Variants in KDM2A observed in about 807,000 individuals in gnomAD.
KDM2A encodes lysine-specific demethylase 2A.
KDM2A carries 3 observed loss-of-function variants against 137.3 expected under a neutral mutation model. That is an observed-to-expected ratio of 0.02 (90% CI 0.01 to 0.06). KDM2A has a LOEUF of 0.06. Among genes scored for constraint, KDM2A ranks in the 10% least tolerant of loss-of-function variants. KDM2A has a pLI of 1.00. For synonymous variants in KDM2A, 512 were observed against 541.5 expected (o/e 0.95, Z 0.76); for missense variants, 738 against 1,510.6 (o/e 0.49, Z 8.48).
At chr11:67,127,589 A>G (rs1379865938) in intron 2 of KDM2A, among the ~76,000 whole-genome samples, 2 of 152,186 alleles carry the variant, frequency 1.3e-5, no homozygotes, top group Admixed American at 1.3e-4. Context: ...TATCTGTTAC[A>G]AGGAACTGCG....
chr11:67,145,622 T>C (rs1484880639), intron 2 of KDM2A, among the ~76,000 whole-genome samples: 2 of 152,052 alleles, frequency 1.3e-5, no homozygotes, highest in Non-Finnish European at 2.9e-5. Flanking sequence ...TACTAAGCAG[T>C]AGAACAAAGA....
At chr11:67,182,026 G>A in intron 5 of KDM2A, 134 bp downstream of exon 5, 2 of 742,856 alleles carry the variant, frequency 2.7e-6, no homozygotes, top group South Asian at 1.8e-5. Flanking sequence ...TTTTCATTAG[G>A]AACTGAGAAT....
chr11:67,231,097 C>T (rs1033677234), intron 11 of KDM2A, among the ~76,000 whole-genome samples: 3 of 152,000 alleles, frequency 2.0e-5, no homozygotes, highest in African/African-American at 7.2e-5. Flanking sequence ...TCTGGGACCA[C>T]AGTCATGCAT....
At chr11:67,196,583 A>G (rs1565398918) in intron 5 of KDM2A, 5 of 405,062 alleles carry the variant, frequency 1.2e-5, no homozygotes, top group South Asian at 1.8e-5. Flanking sequence ...TACACATTAC[A>G]TGAATCCTAA....
chr11:67,250,514 C>T lies in KDM2A; in HGVS notation c.2484C>T (p.Asn828=). The T allele has an allele frequency of 6.2e-7, 1 of 1,614,054 alleles. No homozygotes were observed. The highest frequency in any genetic ancestry group is 8.5e-7 in the Non-Finnish European group (1 of 1,179,906). ...KLQAITASSA[N]LRHSPRVLVQ... ...AGGCCATCACGGCCTCCTCTGCCAA[C>T]CTTCGCCATTCCCCCCGTGTGCTAG... The change falls in exon 17 of 21, where the codon AAC becomes AAT. Residue 828 remains asparagine, a synonymous_variant. Coordinates refer to ENST00000529006, the MANE Select transcript of KDM2A (RefSeq NM_012308.3). The surrounding 1 kb of genome is among the most constrained non-coding windows in gnomAD (Gnocchi z 7.1).
At chr11:67,211,140 C>G (rs1857965619) in intron 6 of KDM2A, among the ~76,000 whole-genome samples, 1 of 152,016 alleles carries the variant, frequency 6.6e-6, no homozygotes, top group Non-Finnish European at 1.5e-5. Context: ...CTTATTCCCC[C>G]CATAGTATAT....
At chr11:67,141,400 C>T (rs1433610448) in intron 2 of KDM2A, among the ~76,000 whole-genome samples, 3 of 151,982 alleles carry the variant, frequency 2.0e-5, no homozygotes, top group East Asian at 3.9e-4. Flanking sequence ...GGCGCGGTGG[C>T]TCACGCCTGT....
chr11:67,256,513 C>T lies in KDM2A; in HGVS notation c.*1458C>T, dbSNP rs1859621280. ...TCTGTAAGGATACTGATAGCACAAC[C>T]TCTTCCCCCCACCCCGCCCCGCCTT... On this transcript the variant is annotated 3_prime_UTR_variant, in exon 21 of 21. Coordinates refer to ENST00000529006, the MANE Select transcript of KDM2A (RefSeq NM_012308.3). 1 of 152,692 alleles carries T rather than the reference C, an allele frequency of 6.5e-6. No homozygotes were observed. Among genetic ancestry groups the T allele is most frequent in the African/African-American group, 2.4e-5 (1 of 41,412 alleles). 9.5% of individuals were successfully genotyped at this position (152,692 alleles called of 1,614,324 possible). A position where few individuals can be genotyped will look rare whatever the true frequency, so the allele number is the denominator to read the frequency against.
chr11:67,182,019 T>G lies in KDM2A; in HGVS notation c.307+127T>G. On this transcript the variant is annotated intron_variant, in intron 5 of 20. Transcript: ENST00000529006. ...ATATATTTGATTAGAAACTACATTT[T>G]CATTAGGAACTGAGAATTTTATCAA... 8 of 774,476 alleles carry G rather than the reference T, an allele frequency of 1.0e-5. No individual in the cohort carries two copies. In the South Asian group the frequency reaches 1.4e-4, roughly 13 times the overall value. The allele number at this position is 774,476 out of a possible 1,614,324, so 48.0% of individuals were successfully genotyped here.
Position 67,255,095 on chromosome 11 carries a change from CCT to C in KDM2A, c.*41_*42del. 2.6e-6 allele frequency: 4 copies of C among 1,563,470 alleles called. No individual in the cohort carries two copies. Among genetic ancestry groups the C allele is most frequent in the Non-Finnish European group, 3.5e-6 (4 of 1,150,964 alleles). On this transcript the variant is annotated 3_prime_UTR_variant, in exon 21 of 21. Transcript: ENST00000529006. ...AGATTCAACAGGAAACCGATCTTCC[CCT>C]GACTCCCCACCGAGGAGAGCCTCTC...
At chr11:67,169,380 CTTTTTT>C (rs1169905276) in intron 2 of KDM2A, among the ~76,000 whole-genome samples, 2 of 132,648 alleles carry the variant, frequency 1.5e-5, no homozygotes, top group East Asian at 2.2e-4. Flanking sequence ...CTTTCTTTTT[CTTTTTT>C]TTTTTTTTTT....
intron 5 of KDM2A, among the ~76,000 whole-genome samples, chr11:67,186,522 GTGAAA>G (rs1214180574): frequency 6.6e-6 from 1 of 152,188 alleles, no homozygotes; most frequent in African/African-American, 2.4e-5. Context: ...AGTCTGCAAG[GTGAAA>G]TGAAAGGACA....
At chr11:67,253,430 A>G (rs1440831834) in intron 18 of KDM2A, 23 bp from the exon 19 acceptor site, 2 of 1,607,106 alleles carry the variant, frequency 1.2e-6, no homozygotes, top group East Asian at 2.2e-5. Context: ...GTATTATTAC[A>G]TGTCTCATTC....
chr11:67,141,964 T>C (rs1233171773), intron 2 of KDM2A, among the ~76,000 whole-genome samples: 3 of 152,048 alleles, frequency 2.0e-5, no homozygotes, highest in African/African-American at 7.2e-5. Context: ...TATTTAATAT[T>C]CTCCAATTCC....
chr11:67,167,831 T>C (rs1856781218), intron 2 of KDM2A, among the ~76,000 whole-genome samples: 1 of 152,208 alleles, frequency 6.6e-6, no homozygotes, highest in South Asian at 2.1e-4. Context: ...GTAAAAGAAA[T>C]GCAAGCTTTT....
intron 2 of KDM2A, among the ~76,000 whole-genome samples, chr11:67,139,604 C>T (rs1856048743): frequency 6.6e-6 from 1 of 152,064 alleles, no homozygotes; most frequent in African/African-American, 2.4e-5. Flanking sequence ...GTCTTGAACT[C>T]CTAGGCTCAA....
chr11:67,150,778 G>T (rs1274858537), intron 2 of KDM2A, among the ~76,000 whole-genome samples: 1 of 149,734 alleles, frequency 6.7e-6, no homozygotes, highest in Non-Finnish European at 1.5e-5. Context: ...ACCAGCCTGG[G>T]CAACAGAGCA....
intron 2 of KDM2A, among the ~76,000 whole-genome samples, chr11:67,179,840 G>A (rs935684085): frequency 6.6e-6 from 1 of 152,068 alleles, no homozygotes; most frequent in African/African-American, 2.4e-5. Context: ...ATATCTCTAG[G>A]CTCAAAGAAT....
chr11:67,148,668 G>C (rs930179406), intron 2 of KDM2A, among the ~76,000 whole-genome samples: 2 of 152,092 alleles, frequency 1.3e-5, no homozygotes, highest in African/African-American at 2.4e-5. Context: ...GGGCGTGGTG[G>C]TGGGTGCCTG....
Sources: allele counts gnomAD v4.1 joint callset (sites outside exome capture counted in the v4.1 genomes callset), GRCh38; gene constraint gnomAD v4.1.1; non-coding constraint Gnocchi (gnomAD v3.1); transcripts MANE v1.5; gene names NCBI Gene and HGNC (gene_info 2026-07-23, HGNC 2026-07-21).